The following COL6A2 variants were observed in gnomAD, a reference collection of about 807,000 sequenced individuals.
COL6A2 encodes collagen alpha-2(VI) chain.
COL6A2 carries 90 observed loss-of-function variants against 124.9 expected under a neutral mutation model. The observed-to-expected ratio is 0.72, with a 90% CI of 0.61 to 0.86. The LOEUF (loss-of-function observed/expected upper bound fraction) is 0.86, where lower values mean the gene tolerates loss of function less well. Among genes scored for constraint, COL6A2 ranks in the 40% least tolerant of loss-of-function variants. The pLI is 0.00. For missense variants in COL6A2, 1,607 were observed against 1,502.5 expected (o/e 1.07, Z -1.15); for synonymous variants, 793 against 618.2 (o/e 1.28, Z -4.19).
rs542447349 is a variant in COL6A2 at position 46,130,372 on chromosome 21, G to A, written c.2462-1582G>A. ...GCAGGGATCACCATCCAAAGGGAGC[G>A]GCCCCCACGGCGAGCTGACCCCGAC... On this transcript the variant is annotated intron_variant, in intron 27 of 27. Coordinates refer to ENST00000300527, the MANE Select transcript of COL6A2 (RefSeq NM_001849.4). Among the ~76,000 whole-genome samples, 25 of 152,318 alleles carry A rather than the reference G, an allele frequency of 1.6e-4. No individual in the cohort carries two copies. The South Asian group carries it at 2.5e-3, about 15-fold the overall frequency.
intron 4 of COL6A2, 126 bp downstream of exon 4, chr21:46,112,950 C>A: frequency 8.2e-7 from 1 of 1,214,672 alleles, no homozygotes; most frequent in Non-Finnish European, 1.2e-6. Context: ...GTCACCTGCT[C>A]CATGTTGGAC....
At chr21:46,126,340 G>GC (rs1434752407) in intron 26 of COL6A2, 103 bp downstream of exon 26, 3 of 1,518,088 alleles carry the variant, frequency 2.0e-6, no homozygotes, top group Non-Finnish European at 2.7e-6. Context: ...TGAATGTGCA[G>GC]CCCAGGATCT....
Position 46,116,274 on chromosome 21 carries a change from C to G in COL6A2, c.901-103C>G. On this transcript the variant is annotated intron_variant, in intron 7 of 27. Transcript: ENST00000300527. This position sits in a 1 kb window ranked among gnomAD's most constrained non-coding sequence, Gnocchi z 4.6. The stretch of plus-strand genomic sequence containing the variant: ...ACTGTTTGTCGAGAACACTAGATGC[C>G]AGCGGCCCACCGAGCACTCCCCTCA... The G allele has an allele frequency of 7.3e-7, 1 of 1,371,532 alleles. No homozygotes were observed. 85.0% of individuals were successfully genotyped at this position (1,371,532 alleles called of 1,614,324 possible). A position where few individuals can be genotyped will look rare whatever the true frequency, so the allele number is the denominator to read the frequency against.
chr21:46,130,147 G>GT (rs2078742193), intron 27 of COL6A2, among the ~76,000 whole-genome samples: 1 of 152,212 alleles, frequency 6.6e-6, no homozygotes, highest in Admixed American at 6.5e-5. Flanking sequence ...GCACCATGAC[G>GT]TATCTGGGCT....
Position 46,121,625 on chromosome 21 carries a change from GC to G in COL6A2, c.1521+11del. The G allele has an allele frequency of 6.2e-7, 1 of 1,612,642 alleles. No homozygotes were observed. Among genetic ancestry groups the G allele is most frequent in the Non-Finnish European group, 8.5e-7 (1 of 1,179,844 alleles). On this transcript the variant is annotated splice_region_variant and intron_variant, in intron 18 of 27. Transcript: ENST00000300527. ...AGGACAGCCAGGCCCCAAGGTACGT[GC>G]CCCTCCCCCAGCAGGACGTATTAGG...
intron 27 of COL6A2, chr21:46,129,359 C>T (rs1477243737): frequency 6.2e-7 from 1 of 1,612,970 alleles, no homozygotes. Context: ...CCGTGCTGGT[C>T]TACACCGCCG....
intron 27 of COL6A2, among the ~76,000 whole-genome samples, chr21:46,126,760 G>A (rs1410634511): frequency 3.3e-5 from 5 of 152,288 alleles, no homozygotes; most frequent in South Asian, 4.1e-4. Flanking sequence ...ACAGCATCAC[G>A]AGGCCATGAG....
intron 21 of COL6A2, among the ~76,000 whole-genome samples, chr21:46,123,544 TGGATGGGA>T (rs139382753): frequency 0.027 from 3,993 of 150,644 alleles, 85 homozygotes; most frequent in Non-Finnish European, 0.044. Flanking sequence ...GGCAAATGGA[TGGATGGGA>T]GGATGGGTGA....
intron 21 of COL6A2, 56 bp from the exon 22 acceptor site, chr21:46,124,595 T>G: frequency 6.5e-7 from 1 of 1,549,906 alleles, no homozygotes; most frequent in Non-Finnish European, 8.9e-7. Flanking sequence ...GGCCCTGCTG[T>G]GTGCAGGGAC....
At chr21:46,126,456 G>C (rs546431197) in intron 26 of COL6A2, 47 bp from the exon 27 acceptor site, 3 of 1,604,140 alleles carry the variant, frequency 1.9e-6, no homozygotes, top group Admixed American at 1.7e-5. Flanking sequence ...CTGAGGGTTC[G>C]CTAGGGACTG....
rs117742713 is a variant in COL6A2 at position 46,129,282 on chromosome 21, C to T, written c.2462-2672C>T. On this transcript the variant is annotated intron_variant, in intron 27 of 27. Coordinates refer to ENST00000300527, the MANE Select transcript of COL6A2 (RefSeq NM_001849.4). ...CGCCACCTTCCCCAGGACCATTCCC[C>T]TGATCCAACAGTTGCTAAACGCCAC... 9.3e-6 allele frequency: 15 copies of T among 1,612,942 alleles called. No homozygotes were observed. The East Asian group carries it at 1.8e-4, about 19-fold the overall frequency.
chr21:46,132,666 C>T lies in COL6A2; in HGVS notation c.*114C>T, dbSNP rs1601270954. On this transcript the variant is annotated 3_prime_UTR_variant, in exon 28 of 28. Coordinates refer to ENST00000300527, the MANE Select transcript of COL6A2 (RefSeq NM_001849.4). ...CTGCTCACTCGGACGACGCCCTGGG[C>T]CTGCACCTCTCCAGCTCCTCCCACG... 4 of 1,094,112 alleles carry T rather than the reference C, an allele frequency of 3.7e-6. No homozygotes were observed. In the East Asian group the frequency reaches 7.8e-5, roughly 21 times the overall value. The allele number at this position is 1,094,112 out of a possible 1,614,324, so 67.8% of individuals were successfully genotyped here.
At chr21:46,121,656 CG>C (rs2078568557) in intron 18 of COL6A2, 38 bp downstream of exon 18, 6 of 1,604,314 alleles carry the variant, frequency 3.7e-6, no homozygotes, top group Non-Finnish European at 4.3e-6. Context: ...ATTAGGGGTT[CG>C]GGGCAGCTGC....
In COL6A2 at chr21:46,125,609, C is replaced by A. The variant is rs780482784; in HGVS notation, c.1961C>A (p.Ser654Tyr). 18 of 1,612,542 alleles carry A rather than the reference C, an allele frequency of 1.1e-5. No homozygotes were observed. Among genetic ancestry groups the A allele is most frequent in the African/African-American group, 1.3e-5 (1 of 74,906 alleles). Residue 654 changes from serine to tyrosine, a missense_variant, in exon 25 of 28, where the codon TCC becomes TAC. By Grantham distance (144) the Ser-to-Tyr change is moderately radical. Transcript: ENST00000300527. ...RLGAIAKDPK[S>Y]ETGTRVGVVQ... ...GGTGCCATCGCTAAGGACCCCAAGT[C>A]CGAGACAGGTCAGCGGGGCAGGGGC...
intron 24 of COL6A2, 27 bp downstream of exon 24, chr21:46,125,338 G>C (rs564270338): frequency 6.2e-7 from 1 of 1,607,480 alleles, no homozygotes; most frequent in Admixed American, 1.7e-5. Context: ...GGCAGGGTCG[G>C]GGCCCATGCA....
chr21:46,125,232 G>C, intron 23 of COL6A2, 34 bp from the exon 24 acceptor site: 1 of 1,603,396 alleles, frequency 6.2e-7, no homozygotes, highest in Non-Finnish European at 8.5e-7. Flanking sequence ...CTGGGGCCCC[G>C]GGGGGACTAC....
At position 46,126,152 on chromosome 21, in the gene COL6A2, G is replaced by A. The variant is rs551401266; in HGVS notation, c.2337G>A (p.Lys779=). 3 of 1,610,644 alleles carry A rather than the reference G, an allele frequency of 1.9e-6. No individual in the cohort carries two copies. The highest frequency in any genetic ancestry group is 2.2e-5 in the East Asian group (1 of 44,866). ...ACCTCTACTCCATCGCCTGCGACAAGCCACAGCAGGTGCGCAACATGACGC... is the reference window on the plus strand; with the variant it reads ...ACCTCTACTCCATCGCCTGCGACAAACCACAGCAGGTGCGCAACATGACGC... ...SENLYSIACD[K]PQQVRNMTLF... The change falls in exon 26 of 28, where the codon AAG becomes AAA. Residue 779 remains lysine, a synonymous_variant. Transcript: ENST00000300527.
chr21:46,111,521 G>A lies in COL6A2; in HGVS notation c.45G>A (p.Leu15=). 1.2e-6 allele frequency: 2 copies of A among 1,612,974 alleles called. No homozygotes were observed. Among genetic ancestry groups the A allele is most frequent in the Non-Finnish European group, 8.5e-7 (1 of 1,179,870 alleles). Residue 15 remains leucine, a synonymous_variant, in exon 2 of 28, where the codon CTG becomes CTA. Transcript: ENST00000300527. The part of the protein sequence containing the change: ...TCSVLLLWGI[L]GAIQAQQQEV... ...CCGTGCTCCTGCTCTGGGGAATCCT[G>A]GGGGCCATCCAGGCCCAGCAGCAGG...
chr21:46,125,919 T>G lies in COL6A2; in HGVS notation c.2104T>G (p.Trp702Gly). Residue 702 changes from tryptophan to glycine, a missense_variant, in exon 26 of 28, where the codon TGG becomes GGG. Trp to Gly is a radical substitution (Grantham distance 184). Coordinates refer to ENST00000300527, the MANE Select transcript of COL6A2 (RefSeq NM_001849.4). ...CCTCGAGTGGATTGCGGGCGGCACCTGGACACCCTCAGCCCTCAAGTTTGC... is the reference window on the plus strand; with the variant it reads ...CCTCGAGTGGATTGCGGGCGGCACCGGGACACCCTCAGCCCTCAAGTTTGC... Reference protein sequence around the residue: ...KNLEWIAGGTWTPSALKFAYD... With the variant: ...KNLEWIAGGTGTPSALKFAYD... 2.5e-6 allele frequency: 4 copies of G among 1,613,136 alleles called. No individual in the cohort carries two copies. Among genetic ancestry groups the G allele is most frequent in the Non-Finnish European group, 3.4e-6 (4 of 1,179,934 alleles).
Sources: gnomAD v4.1 joint callset for allele counts (sites outside exome capture counted in the v4.1 genomes callset) on GRCh38, gnomAD v4.1.1 for gene constraint, Gnocchi (gnomAD v3.1) non-coding constraint, MANE v1.5 for transcripts, NCBI Gene and HGNC (gene_info 2026-07-23, HGNC 2026-07-21) for gene names.